KCNN2: variants seen among roughly 807,000 people sequenced by gnomAD.
KCNN2 encodes the protein small conductance calcium-activated potassium channel protein 2.
Under a neutral mutation model 55.5 loss-of-function variants are expected in KCNN2, and 24 were observed. The ratio of observed to expected loss-of-function variants is 0.43; its 90% confidence interval spans 0.31 to 0.61. The LOEUF (loss-of-function observed/expected upper bound fraction) is 0.61, where lower values mean the gene tolerates loss of function less well. Among genes scored for constraint, KCNN2 ranks in the 20% least tolerant of loss-of-function variants. The pLI, the probability that KCNN2 is intolerant of heterozygous loss-of-function variation, is 0.08. For missense variants in KCNN2, 754 were observed against 853.6 expected (o/e 0.88, Z 1.45); for synonymous variants, 431 against 336.1 (o/e 1.28, Z -3.09).
At chr5:114,169,248 A>G (rs1271247475) in intron 1 of KCNN2, among the ~76,000 whole-genome samples, 4 of 152,078 alleles carry the variant, frequency 2.6e-5, no homozygotes, top group Non-Finnish European at 5.9e-5. Flanking sequence ...GACTAGTAAA[A>G]GATACAAGGA....
chr5:114,059,708 G>A (rs868732016), intron 1 of KCNN2, among the ~76,000 whole-genome samples: 19 of 152,136 alleles, frequency 1.2e-4, no homozygotes, highest in African/African-American at 4.3e-4. Flanking sequence ...AGCCCTTTAC[G>A]AGACCCCAGA....
intron 1 of KCNN2, among the ~76,000 whole-genome samples, chr5:114,141,193 C>A (rs139084963): frequency 2.5e-3 from 380 of 152,126 alleles, no homozygotes; most frequent in African/African-American, 8.8e-3. Context: ...AGGTTTGTTA[C>A]ATATGTATAC....
At chr5:114,165,582 A>G (rs1328075437) in intron 1 of KCNN2, among the ~76,000 whole-genome samples, 1 of 152,160 alleles carries the variant, frequency 6.6e-6, no homozygotes, top group African/African-American at 2.4e-5. Context: ...TCTGTAAGAT[A>G]TTAAAACCAT....
At chr5:114,399,697 A>G (rs1561607691) in intron 2 of KCNN2, among the ~76,000 whole-genome samples, 1 of 152,048 alleles carries the variant, frequency 6.6e-6, no homozygotes, top group Non-Finnish European at 1.5e-5. Context: ...TTATATTAAT[A>G]TATCTGATAG....
At chr5:114,205,434 G>A (rs1383507158) in intron 1 of KCNN2, among the ~76,000 whole-genome samples, 2 of 152,134 alleles carry the variant, frequency 1.3e-5, no homozygotes, top group African/African-American at 4.8e-5. Flanking sequence ...TCATTCCCAT[G>A]CCACTTAGAG....
At chr5:114,285,981 A>G (rs1045130448) in intron 2 of KCNN2, among the ~76,000 whole-genome samples, 1 of 147,610 alleles carries the variant, frequency 6.8e-6, no homozygotes, top group African/African-American at 2.5e-5. Context: ...GTGCAATGGC[A>G]TGATCTCGAC....
chr5:114,465,501 A>G (rs1229766985), intron 4 of KCNN2, among the ~76,000 whole-genome samples: 1 of 152,080 alleles, frequency 6.6e-6, no homozygotes, highest in African/African-American at 2.4e-5. Context: ...AATCCCAGCT[A>G]TTCAGGAGGC....
chr5:114,250,033 T>G (rs1468231459), intron 2 of KCNN2, among the ~76,000 whole-genome samples: 1 of 152,168 alleles, frequency 6.6e-6, no homozygotes, highest in African/African-American at 2.4e-5. Flanking sequence ...ATGGTTTCCA[T>G]TGTGCTATAT....
At chr5:114,318,867 G>T (rs1470484530) in intron 2 of KCNN2, among the ~76,000 whole-genome samples, 1 of 151,960 alleles carries the variant, frequency 6.6e-6, no homozygotes, top group Non-Finnish European at 1.5e-5. Flanking sequence ...TATTTTGATT[G>T]TGTTCCTTTT....
At chr5:114,391,106 C>T (rs1337980465) in intron 2 of KCNN2, among the ~76,000 whole-genome samples, 5 of 152,068 alleles carry the variant, frequency 3.3e-5, no homozygotes, top group South Asian at 2.1e-4. Context: ...TAGGAAATGA[C>T]GAGAATACTT....
At chr5:114,367,046 T>C (rs964900803) in intron 2 of KCNN2, among the ~76,000 whole-genome samples, 8 of 152,318 alleles carry the variant, frequency 5.3e-5, no homozygotes, top group Middle Eastern at 6.8e-3. Flanking sequence ...CTATGTCCTC[T>C]GGAATTGCTT....
chr5:114,264,036 G>T (rs1048067742), intron 2 of KCNN2, among the ~76,000 whole-genome samples: 2 of 152,160 alleles, frequency 1.3e-5, no homozygotes, highest in Non-Finnish European at 2.9e-5. Context: ...ATGAGGAAAT[G>T]GATGTGAACC....
At chr5:114,194,886 ATTTT>A (rs61169195) in intron 1 of KCNN2, among the ~76,000 whole-genome samples, 14 of 143,752 alleles carry the variant, frequency 9.7e-5, no homozygotes, top group Admixed American at 2.1e-4. Flanking sequence ...CCTTGATTTA[ATTTT>A]TTTTTTTTTT....
intron 1 of KCNN2, among the ~76,000 whole-genome samples, chr5:114,170,212 A>G (rs1267687548): frequency 6.6e-6 from 1 of 152,092 alleles, no homozygotes; most frequent in East Asian, 1.9e-4. Context: ...TTTTGGCCAT[A>G]TTCTTCATTA....
At chr5:114,387,637 C>T (rs375667901) in intron 2 of KCNN2, among the ~76,000 whole-genome samples, 12 of 152,086 alleles carry the variant, frequency 7.9e-5, no homozygotes, top group East Asian at 1.9e-4. Flanking sequence ...CAGTTCAGCC[C>T]GAAGAATCAT....
chr5:114,360,637 G>A (rs1167594719), upstream of KCNN2, among the ~76,000 whole-genome samples: 1 of 152,216 alleles, frequency 6.6e-6, no homozygotes. Context: ...AGTGCATTGT[G>A]TTGGTACATC....
intron 2 of KCNN2, among the ~76,000 whole-genome samples, chr5:114,374,864 G>C (rs1214428311): frequency 1.3e-5 from 2 of 152,086 alleles, no homozygotes; most frequent in African/African-American, 4.8e-5. Flanking sequence ...TGATTATGTA[G>C]CTATCCGTAG....
chr5:114,363,371 A>T, intron 1 of KCNN2, 110 bp downstream of exon 1: 1 of 1,332,792 alleles, frequency 7.5e-7, no homozygotes, highest in Non-Finnish European at 9.9e-7. Flanking sequence ...CGGGACGATC[A>T]AGGGAGCCCG....
At chr5:114,220,160 A>G (rs1175797140) in intron 1 of KCNN2, among the ~76,000 whole-genome samples, 1 of 152,170 alleles carries the variant, frequency 6.6e-6, no homozygotes, top group Non-Finnish European at 1.5e-5. Context: ...CTAATGTTGC[A>G]AGCCAAACCT....
Sources: gnomAD v4.1 joint callset for allele counts (sites outside exome capture counted in the v4.1 genomes callset) on GRCh38, gnomAD v4.1.1 for gene constraint, MANE v1.5 for transcripts, NCBI Gene and HGNC (gene_info 2026-07-23, HGNC 2026-07-21) for gene names.